Variants in IFTAP observed in about 807,000 individuals in gnomAD.
IFTAP encodes the protein intraflagellar transport-associated protein.
A neutral mutation model predicts 19.4 loss-of-function variants in IFTAP; 19 were observed. That is an observed-to-expected ratio of 0.98 (90% CI 0.68 to 1.44). IFTAP has a LOEUF of 1.44. IFTAP is among the 40% of genes most tolerant of loss of function. IFTAP has a pLI of 0.00. For missense variants in IFTAP, 240 were observed against 253.6 expected (o/e 0.95, Z 0.36); for synonymous variants, 85 against 83.5 (o/e 1.02, Z -0.10).
chr11:36,630,832 A>T (rs1275441916), intron 2 of IFTAP, among the ~76,000 whole-genome samples: 1 of 151,406 alleles, frequency 6.6e-6, no homozygotes, highest in Non-Finnish European at 1.5e-5. Context: ...TTCACCTTTT[A>T]TTAGAATAGA....
In IFTAP at chr11:36,632,974, G is replaced by T. The variant is rs1852785183; in HGVS notation, c.137-310G>T. On this transcript the variant is annotated intron_variant, in intron 2 of 5. Coordinates refer to ENST00000334307, the MANE Select transcript of IFTAP (RefSeq NM_138787.4). Reference sequence around the variant, plus strand: ...AAAAAATCCCTCAAATTTAGAAAAAGATGTGATAGGTCATGTCTAAGAGTC... The same window carrying T: ...AAAAAATCCCTCAAATTTAGAAAAATATGTGATAGGTCATGTCTAAGAGTC... Among the ~76,000 whole-genome samples, 2 of 151,048 alleles carry T rather than the reference G, an allele frequency of 1.3e-5. 1 individual carries two copies.
intron 5 of IFTAP, among the ~76,000 whole-genome samples, chr11:36,656,064 T>C (rs1853971261): frequency 6.6e-6 from 1 of 152,094 alleles, no homozygotes; most frequent in East Asian, 1.9e-4. Context: ...AGCCACAAGG[T>C]AGTTTGAGAC....
intron 4 of IFTAP, among the ~76,000 whole-genome samples, chr11:36,644,442 G>C (rs958895690): frequency 6.6e-6 from 1 of 152,174 alleles, no homozygotes; most frequent in South Asian, 2.1e-4. Context: ...ACAGTGTGGC[G>C]ATTCCTCAAG....
intron 4 of IFTAP, among the ~76,000 whole-genome samples, chr11:36,642,592 G>A (rs1384290281): frequency 6.6e-6 from 1 of 152,016 alleles, no homozygotes; most frequent in Non-Finnish European, 1.5e-5. Context: ...CATGAACATC[G>A]ATGCAAAAAT....
intron 4 of IFTAP, among the ~76,000 whole-genome samples, chr11:36,642,347 A>T (rs1380120554): frequency 6.6e-6 from 1 of 152,198 alleles, no homozygotes; most frequent in Admixed American, 6.5e-5. Context: ...ACAGGCTCTG[A>T]AATTGAGGCA....
chr11:36,618,134 G>T (rs1498336), intron 2 of IFTAP, among the ~76,000 whole-genome samples: 21,885 of 151,916 alleles, frequency 0.14, 2,426 homozygotes, highest in East Asian at 0.59. Context: ...GGACTGAATT[G>T]TGTGCCTCCC....
chr11:36,622,842 C>G (rs1852355214), intron 2 of IFTAP, among the ~76,000 whole-genome samples: 1 of 151,724 alleles, frequency 6.6e-6, no homozygotes, highest in African/African-American at 2.4e-5. Context: ...TTGTTTATAC[C>G]CCATTTCTTG....
chr11:36,624,150 GT>G (rs1483581415), intron 2 of IFTAP, among the ~76,000 whole-genome samples: 2 of 151,922 alleles, frequency 1.3e-5, no homozygotes, highest in Non-Finnish European at 2.9e-5. Context: ...ATAGTTTTTA[GT>G]TTTTTTGTTC....
intron 2 of IFTAP, among the ~76,000 whole-genome samples, chr11:36,631,162 C>G (rs1247457513): frequency 6.6e-6 from 1 of 151,502 alleles, no homozygotes; most frequent in Non-Finnish European, 1.5e-5. Context: ...CCTCCACCCA[C>G]AGAAGCCAAG....
intron 1 of IFTAP, among the ~76,000 whole-genome samples, chr11:36,597,264 G>A (rs1290861166): frequency 6.6e-6 from 1 of 152,114 alleles, no homozygotes; most frequent in Non-Finnish European, 1.5e-5. Context: ...CTCTTCCATA[G>A]TTTCAATATG....
chr11:36,600,965 G>A (rs1474055429), intron 1 of IFTAP, among the ~76,000 whole-genome samples: 1 of 152,192 alleles, frequency 6.6e-6, no homozygotes, highest in East Asian at 1.9e-4. Flanking sequence ...ATTGACAAGG[G>A]TAACACAGCT....
chr11:36,617,725 G>A (rs1208199530), intron 2 of IFTAP, among the ~76,000 whole-genome samples: 1 of 151,854 alleles, frequency 6.6e-6, no homozygotes, highest in Non-Finnish European at 1.5e-5. Flanking sequence ...TATTTGTCTC[G>A]AGTAACTTAT....
intron 4 of IFTAP, among the ~76,000 whole-genome samples, chr11:36,643,870 T>C (rs544817525): frequency 6.6e-6 from 1 of 152,256 alleles, no homozygotes; most frequent in Non-Finnish European, 1.5e-5. Flanking sequence ...AAGACTTAAA[T>C]ATTAGACCTA....
intron 1 of IFTAP, among the ~76,000 whole-genome samples, chr11:36,597,174 A>G (rs1240800164): frequency 2.0e-5 from 3 of 152,232 alleles, no homozygotes; most frequent in African/African-American, 7.2e-5. Flanking sequence ...AAGTGTTTTC[A>G]CATGATTTTG....
At chr11:36,611,136 G>T (rs987910766) in intron 2 of IFTAP, among the ~76,000 whole-genome samples, 6 of 152,092 alleles carry the variant, frequency 3.9e-5, no homozygotes, top group Non-Finnish European at 7.4e-5. Flanking sequence ...GTCTAAAAAT[G>T]TGAGCTTACA....
At chr11:36,631,984 C>T (rs1852747248) in intron 2 of IFTAP, among the ~76,000 whole-genome samples, 1 of 151,174 alleles carries the variant, frequency 6.6e-6, no homozygotes, top group South Asian at 2.1e-4. Flanking sequence ...TCTCTAAAGA[C>T]CTTTTCTTTT....
chr11:36,647,628 T>C (rs920464462), intron 4 of IFTAP, among the ~76,000 whole-genome samples: 1 of 152,152 alleles, frequency 6.6e-6, no homozygotes, highest in African/African-American at 2.4e-5. Flanking sequence ...AAATCAGTAC[T>C]CCATTTTCTT....
intron 5 of IFTAP, among the ~76,000 whole-genome samples, chr11:36,656,383 G>A (rs1472539234): frequency 1.3e-5 from 2 of 151,934 alleles, no homozygotes; most frequent in African/African-American, 2.4e-5. Flanking sequence ...CAGCCTGGCC[G>A]ACATGGCGAA....
At chr11:36,595,175 C>T (rs1363023294) in intron 1 of IFTAP, 1 of 152,168 alleles carries the variant, frequency 6.6e-6, no homozygotes, top group Non-Finnish European at 1.5e-5. Flanking sequence ...TTCCTAAACA[C>T]ATCTTCTTTT....
Sources: gnomAD v4.1 joint callset for allele counts (sites outside exome capture counted in the v4.1 genomes callset) on GRCh38, gnomAD v4.1.1 for gene constraint, MANE v1.5 for transcripts, NCBI Gene and HGNC (gene_info 2026-07-23, HGNC 2026-07-21) for gene names.